EPB41L5: variants seen among roughly 807,000 people sequenced by gnomAD.
EPB41L5 encodes band 4.1-like protein 5.
A neutral mutation model predicts 106.6 loss-of-function variants in EPB41L5; 55 were observed. That is an observed-to-expected ratio of 0.52 (90% confidence interval 0.42 to 0.65). The LOEUF is 0.65. EPB41L5 is among the 30% of genes least tolerant of loss of function. The pLI is 0.00. For missense variants in EPB41L5, 871 were observed against 882.1 expected, an observed-to-expected ratio of 0.99 and a Z score of 0.16; for synonymous variants, 297 against 306.7, an observed-to-expected ratio of 0.97 and a Z score of 0.33.
At position 120,095,661 on chromosome 2, in the gene EPB41L5, A is replaced by G. The variant is rs1237883546; in HGVS notation, c.1178+2385A>G. ...TGCTTCTGATGGCTCCATTAATTAAATTTAATTAATTAATTAATTTTTTTT... is the reference window on the plus strand; with the variant it reads ...TGCTTCTGATGGCTCCATTAATTAAGTTTAATTAATTAATTAATTTTTTTT... On this transcript the variant is annotated intron_variant, in intron 14 of 24. Coordinates refer to ENST00000263713, the MANE Select transcript of EPB41L5 (RefSeq NM_020909.4). Among the ~76,000 whole-genome samples the G allele has an allele frequency of 2.0e-5, 3 of 151,836 alleles. No individual in the cohort carries two copies. The East Asian group carries it at 5.8e-4, about 29-fold the overall frequency.
At chr2:120,091,751 C>A in intron 13 of EPB41L5, 90 bp downstream of exon 13, 1 of 962,350 alleles carries the variant, frequency 1.0e-6, no homozygotes, top group Non-Finnish European at 1.6e-6. Context: ...TTACCTGAAT[C>A]TCCTCCTCAG....
intron 2 of EPB41L5, among the ~76,000 whole-genome samples, chr2:120,026,111 A>G (rs1678292242): frequency 6.6e-6 from 1 of 152,226 alleles, no homozygotes; most frequent in South Asian, 2.1e-4. Flanking sequence ...ACTGTATGCA[A>G]AAATTAACTC....
At chr2:120,048,241 C>T (rs531459069) in intron 3 of EPB41L5, among the ~76,000 whole-genome samples, 5 of 152,172 alleles carry the variant, frequency 3.3e-5, no homozygotes, top group Admixed American at 6.6e-5. Flanking sequence ...ATGGTACCAG[C>T]TCCTCTTTGT....
rs1369478348 is a variant in EPB41L5, at chr2:120,055,105, C to T, written c.285+12995C>T. On this transcript the variant is annotated intron_variant, in intron 3 of 24. Coordinates refer to ENST00000263713, the MANE Select transcript of EPB41L5 (RefSeq NM_020909.4). ...GTCCCAAACTCGACCTCAGGCAATC[C>T]GCCTGCCTCGGCCTCCCAAAGTGCT... 9.9e-5 allele frequency among the ~76,000 whole-genome samples: 15 copies of T among 152,176 alleles called. No homozygotes were observed. In the East Asian group the frequency reaches 1.5e-3, roughly 16 times the overall value.
At chr2:120,063,717 G>C (rs1681245037) in intron 3 of EPB41L5, among the ~76,000 whole-genome samples, 1 of 152,172 alleles carries the variant, frequency 6.6e-6, no homozygotes, top group Non-Finnish European at 1.5e-5. Flanking sequence ...AGGCCGAGAG[G>C]GGCGGATCAC....
chr2:120,127,996 T>G (rs1685533956), intron 17 of EPB41L5, 145 bp downstream of exon 17: 1 of 611,000 alleles, frequency 1.6e-6, no homozygotes, highest in Non-Finnish European at 2.6e-6. Context: ...CTTGCCTTTT[T>G]GACTTAAGGT....
chr2:120,118,455 A>G (rs1685053039), intron 16 of EPB41L5, among the ~76,000 whole-genome samples: 1 of 152,158 alleles, frequency 6.6e-6, no homozygotes, highest in African/African-American at 2.4e-5. Context: ...AGATCATACC[A>G]TCACCTGGGT....
intron 1 of EPB41L5, chr2:120,013,700 CGA>C (rs1464858920): frequency 1.3e-5 from 2 of 152,220 alleles, no homozygotes; most frequent in Non-Finnish European, 2.9e-5. Context: ...CCATGAAAGA[CGA>C]GGTCTGAAGG....
chr2:120,118,548 C>T (rs767620694), intron 16 of EPB41L5, among the ~76,000 whole-genome samples: 9 of 152,028 alleles, frequency 5.9e-5, no homozygotes, highest in Non-Finnish European at 1.3e-4. Flanking sequence ...TGTTGTTCCC[C>T]CTTCCTTGTG....
At chr2:120,115,664 A>G in intron 16 of EPB41L5, among the ~76,000 whole-genome samples, 1 of 152,132 alleles carries the variant, frequency 6.6e-6, no homozygotes, top group East Asian at 1.9e-4. Flanking sequence ...TGCTGGAATT[A>G]CAGACATGAG....
intron 18 of EPB41L5, among the ~76,000 whole-genome samples, chr2:120,134,330 G>A (rs912153996): frequency 1.3e-5 from 2 of 152,028 alleles, no homozygotes; most frequent in African/African-American, 4.8e-5. Context: ...CTCCTTAGAC[G>A]GCATTTCTGA....
intron 20 of EPB41L5, among the ~76,000 whole-genome samples, chr2:120,148,959 GTAACATTTTTCATTC>G (rs1199433575): frequency 1.3e-5 from 2 of 151,878 alleles, no homozygotes; most frequent in Non-Finnish European, 2.9e-5. Flanking sequence ...CAAAATGGCC[GTAACATTTTTCATTC>G]TTACCAGCAA....
chr2:120,157,635 GGCGCATGCCTGT>G (rs941063169), intron 20 of EPB41L5, among the ~76,000 whole-genome samples: 9 of 151,930 alleles, frequency 5.9e-5, no homozygotes, highest in African/African-American at 2.2e-4. Context: ...TGGGCGGGGT[GGCGCATGCCTGT>G]TATCCCAGGT....
At chr2:120,087,791 CT>C (rs1283794910) in intron 11 of EPB41L5, among the ~76,000 whole-genome samples, 2 of 150,290 alleles carry the variant, frequency 1.3e-5, no homozygotes, top group Non-Finnish European at 2.9e-5. Context: ...GGCAGACCAA[CT>C]TTATCTCTTT....
intron 3 of EPB41L5, among the ~76,000 whole-genome samples, chr2:120,047,668 G>C (rs1316999533): frequency 6.6e-6 from 1 of 152,170 alleles, no homozygotes; most frequent in African/African-American, 2.4e-5. Flanking sequence ...TCTCCTGCCT[G>C]ATTGCCCTGG....
Position 120,054,278 on chromosome 2 carries a change from G to A in EPB41L5, c.285+12168G>A, listed in dbSNP as rs1190978546. ...TTATTTGCTTTTCTGCTGTTGAGTT[G>A]TAAGAGTTCTTTGTATTTTCTGGGT... On this transcript the variant is annotated intron_variant, in intron 3 of 24. Transcript: ENST00000263713. 5.3e-5 allele frequency among the ~76,000 whole-genome samples: 8 copies of A among 152,080 alleles called. 1 individual carries two copies. Among genetic ancestry groups the A allele is most frequent in the Admixed American group, 3.3e-4 (5 of 15,272 alleles).
intron 3 of EPB41L5, among the ~76,000 whole-genome samples, chr2:120,067,523 T>C (rs1681527213): frequency 6.6e-6 from 1 of 152,214 alleles, no homozygotes; most frequent in Non-Finnish European, 1.5e-5. Flanking sequence ...GAATTAATAA[T>C]GAGAAGTGAG....
intron 3 of EPB41L5, among the ~76,000 whole-genome samples, chr2:120,064,758 A>G (rs1249814454): frequency 2.0e-5 from 3 of 152,196 alleles, no homozygotes; most frequent in South Asian, 2.1e-4. Flanking sequence ...TTTCACTTTT[A>G]TCTTCTAGTG....
chr2:120,133,329 C>G (rs1217217379), intron 18 of EPB41L5, among the ~76,000 whole-genome samples: 4 of 152,050 alleles, frequency 2.6e-5, no homozygotes. Context: ...CTGGTTTTAA[C>G]ATTATACCAA....
Sources: allele counts gnomAD v4.1 joint callset (sites outside exome capture counted in the v4.1 genomes callset), GRCh38; gene constraint gnomAD v4.1.1; transcripts MANE v1.5; gene names NCBI Gene and HGNC (gene_info 2026-07-23, HGNC 2026-07-21).